Variants in SPATS2 observed in about 807,000 individuals in gnomAD.
The protein encoded by SPATS2 is spermatogenesis associated serine rich 2, also known as spermatogenesis-associated serine-rich protein 2.
SPATS2 carries 38 observed loss-of-function variants against 63.7 expected under a neutral mutation model. That is an observed-to-expected ratio of 0.60 (90% CI 0.46 to 0.78). SPATS2 has a LOEUF of 0.78. Ranked by LOEUF, SPATS2 falls within the 30% of genes least tolerant of loss-of-function variation. The probability of loss-of-function intolerance (pLI) is 0.00; values close to 1 mark genes in which losing one functional copy is unlikely to be tolerated. For synonymous variants in SPATS2, 207 were observed against 232.9 expected (o/e 0.89, Z 1.01); for missense variants, 588 against 666.2 (o/e 0.88, Z 1.29).
chr12:49,413,342 A>G (rs1944831413), intron 2 of SPATS2, among the ~76,000 whole-genome samples: 1 of 152,032 alleles, frequency 6.6e-6, no homozygotes, highest in Admixed American at 6.6e-5. Flanking sequence ...ACTCCAGCAT[A>G]GGGACTTTAT....
intron 2 of SPATS2, among the ~76,000 whole-genome samples, chr12:49,387,362 C>T (rs968758516): frequency 4.6e-5 from 7 of 151,664 alleles, no homozygotes; most frequent in African/African-American, 1.5e-4. Flanking sequence ...TGAGGCCAGG[C>T]GTGGTGGCTC....
chr12:49,495,103 T>A (rs977590900), intron 7 of SPATS2, 101 bp downstream of exon 7: 12 of 1,257,880 alleles, frequency 9.5e-6, no homozygotes, highest in African/African-American at 1.5e-5. Flanking sequence ...TCTTTTTTTA[T>A]CCAGTGCTTG....
chr12:49,504,316 CTT>C (rs1433114254), intron 9 of SPATS2, among the ~76,000 whole-genome samples: 2 of 152,180 alleles, frequency 1.3e-5, no homozygotes, highest in Non-Finnish European at 2.9e-5. Context: ...ATGTATAAAA[CTT>C]AAAATTTCTT....
At position 49,453,856 on chromosome 12, in the gene SPATS2, CTTTTT is replaced by C. The variant is rs869155580; in HGVS notation, c.-243-6894_-243-6890del. ...ACACAGAATTGCAGCAAATAGCATT[CTTTTT>C]TTTTTTTTTTTTTTTTTTTGAGACG... On this transcript the variant is annotated intron_variant, in intron 2 of 13. Coordinates refer to ENST00000552918, the MANE Select transcript of SPATS2 (RefSeq NM_023071.4). Among the ~76,000 whole-genome samples, 181 of 76,202 alleles carry C rather than the reference CTTTTT, an allele frequency of 2.4e-3. 1 individual carries two copies. The highest frequency in any genetic ancestry group is 9.0e-3 in the African/African-American group (164 of 18,198). The allele number at this position is 76,202 out of a possible 152,430, so 50.0% of individuals were successfully genotyped here.
At chr12:49,419,205 G>A (rs1022043412) in intron 2 of SPATS2, among the ~76,000 whole-genome samples, 11 of 152,198 alleles carry the variant, frequency 7.2e-5, no homozygotes, top group Non-Finnish European at 1.6e-4. Flanking sequence ...TTTAATGCAT[G>A]ATATGCTGCA....
intron 2 of SPATS2, among the ~76,000 whole-genome samples, chr12:49,458,826 T>C (rs886538238): frequency 1.3e-5 from 2 of 152,048 alleles, no homozygotes; most frequent in Non-Finnish European, 2.9e-5. Context: ...CTTTAAAATG[T>C]TTAGTAATAT....
chr12:49,513,210 A>AGT (rs71860115), intron 9 of SPATS2, among the ~76,000 whole-genome samples: 11,071 of 148,014 alleles, frequency 0.075, 480 homozygotes, highest in African/African-American at 0.13. Context: ...AGAGAGAAAG[A>AGT]GTGTGTGTGT....
chr12:49,524,233 C>A (rs1457494780), intron 12 of SPATS2, among the ~76,000 whole-genome samples: 1 of 152,084 alleles, frequency 6.6e-6, no homozygotes, highest in Non-Finnish European at 1.5e-5. Flanking sequence ...ATTCAAAATT[C>A]TTTAAAAAGA....
intron 2 of SPATS2, among the ~76,000 whole-genome samples, chr12:49,410,377 G>T (rs1274094267): frequency 5.9e-5 from 9 of 152,198 alleles, no homozygotes; most frequent in Admixed American, 1.3e-4. Context: ...TGCCCAGCCT[G>T]TTCTATACAT....
At chr12:49,485,488 AG>A (rs1308531143) in intron 4 of SPATS2, among the ~76,000 whole-genome samples, 5 of 151,914 alleles carry the variant, frequency 3.3e-5, no homozygotes, top group South Asian at 4.2e-4. Flanking sequence ...CAGCCTCCTG[AG>A]TAGCTGGGAT....
chr12:49,426,149 CTG>C (rs941380421), intron 2 of SPATS2, among the ~76,000 whole-genome samples: 2 of 151,996 alleles, frequency 1.3e-5, no homozygotes, highest in African/African-American at 4.8e-5. Context: ...ATCAGTTAAA[CTG>C]TGAAGGTAAG....
At chr12:49,497,148 C>T (rs1946476665) in intron 8 of SPATS2, 139 bp downstream of exon 8, 1 of 798,666 alleles carries the variant, frequency 1.3e-6, no homozygotes, top group East Asian at 2.8e-5. Flanking sequence ...CAGTGACTGA[C>T]TACTCAGCCC....
intron 3 of SPATS2, chr12:49,469,465 C>T: frequency 3.0e-6 from 1 of 334,090 alleles, no homozygotes; most frequent in South Asian, 2.2e-5. Context: ...GAGGTTGAGG[C>T]AGGGGAATCA....
At chr12:49,430,906 G>T (rs1257782742) in intron 2 of SPATS2, among the ~76,000 whole-genome samples, 1 of 152,064 alleles carries the variant, frequency 6.6e-6, no homozygotes, top group Non-Finnish European at 1.5e-5. Flanking sequence ...CACCATGTTG[G>T]CCGGGCTAAT....
intron 2 of SPATS2, among the ~76,000 whole-genome samples, chr12:49,453,160 C>CAAAAA (rs534605136): frequency 2.2e-5 from 2 of 91,808 alleles, no homozygotes; most frequent in African/African-American, 3.4e-5. Flanking sequence ...GACTCCGTCT[C>CAAAAA]AAAAAAAAAA....
intron 8 of SPATS2, among the ~76,000 whole-genome samples, chr12:49,498,145 A>AAAAATATATATATAT (rs66900382): frequency 3.5e-4 from 35 of 98,956 alleles, no homozygotes; most frequent in African/African-American, 1.4e-3. Context: ...AAAAAAAAAA[A>AAAAATATATATATAT]ATATATATAT....
At chr12:49,448,140 C>CTTT (rs572119924) in intron 2 of SPATS2, among the ~76,000 whole-genome samples, 1 of 132,142 alleles carries the variant, frequency 7.6e-6, no homozygotes, top group African/African-American at 2.7e-5. Flanking sequence ...TATTTTCTTT[C>CTTT]TTTTTTTTTT....
intron 2 of SPATS2, among the ~76,000 whole-genome samples, chr12:49,453,436 A>T (rs1389109139): frequency 6.6e-6 from 1 of 152,062 alleles, no homozygotes; most frequent in Non-Finnish European, 1.5e-5. Flanking sequence ...AATCTGTGGA[A>T]TCTTTTTCTC....
At chr12:49,490,471 G>A (rs1052595004) in intron 5 of SPATS2, among the ~76,000 whole-genome samples, 3 of 152,166 alleles carry the variant, frequency 2.0e-5, no homozygotes, top group African/African-American at 7.2e-5. Flanking sequence ...GAAATTACTC[G>A]GAGAGGAGGG....
Sources: allele counts gnomAD v4.1 joint callset (sites outside exome capture counted in the v4.1 genomes callset), GRCh38; gene constraint gnomAD v4.1.1; transcripts MANE v1.5; gene names NCBI Gene and HGNC (gene_info 2026-07-23, HGNC 2026-07-21).